SLC18A2: variants seen among roughly 807,000 people sequenced by gnomAD.
The protein encoded by SLC18A2 is synaptic vesicular amine transporter.
In SLC18A2, 33 loss-of-function variants were observed where a neutral mutation model predicts 59.2. The observed-to-expected ratio is 0.56, with a 90% confidence interval of 0.42 to 0.75. The LOEUF (loss-of-function observed/expected upper bound fraction) is 0.75. Ranked by LOEUF, SLC18A2 falls within the 30% of genes least tolerant of loss-of-function variation. The pLI is 0.00. For missense variants in SLC18A2, 569 were observed against 668.6 expected, an observed-to-expected ratio of 0.85 and a Z score of 1.64; for synonymous variants, 228 against 253.5, an observed-to-expected ratio of 0.90 and a Z score of 0.95.
chr10:117,254,915 C>G (rs578105602), intron 6 of SLC18A2, among the ~76,000 whole-genome samples: 1 of 152,222 alleles, frequency 6.6e-6, no homozygotes, highest in Admixed American at 6.5e-5. Context: ...CTTCCTCTTC[C>G]GATTTCCCGC....
Position 117,255,465 on chromosome 10 carries a change from T to C in SLC18A2, c.791-14T>C. ...TCTGAAGAGGGGCTTGTCTTTTTTA[T>C]TTTTATTTTTTAGCTATTCAGCTCT... On this transcript the variant is annotated splice_polypyrimidine_tract_variant and intron_variant, in intron 7 of 15. Coordinates refer to ENST00000644641, the MANE Select transcript of SLC18A2 (RefSeq NM_003054.6). The C allele has an allele frequency of 3.7e-6, 6 of 1,614,036 alleles. No individual in the cohort carries two copies. The highest frequency in any genetic ancestry group is 5.1e-6 in the Non-Finnish European group (6 of 1,179,984).
chr10:117,251,576 G>T (rs894487203), intron 3 of SLC18A2, among the ~76,000 whole-genome samples: 1 of 152,172 alleles, frequency 6.6e-6, no homozygotes, highest in African/African-American at 2.4e-5. Context: ...TGTGGGAGGG[G>T]ACTGACTGTC....
At position 117,244,194 on chromosome 10, in the gene SLC18A2, C is replaced by T. The variant is rs200945841; in HGVS notation, c.345C>T (p.Ser115=). ...TGACCAACGCGTCCGCTGTTCCTTC[C>T]GACTGTCCCAGTGAAGACAAAGACC... ...HMVTNASAVP[S]DCPSEDKDLL... is the part of the protein sequence containing the mutation. Residue 115 remains serine (S), a synonymous_variant, in exon 3 of 16, where the codon TCC becomes TCT. Transcript: ENST00000644641. 5.9e-5 allele frequency: 96 copies of T among 1,614,216 alleles called. No individual in the cohort carries two copies. Among genetic ancestry groups the T allele is most frequent in the Admixed American group, 2.0e-4 (12 of 60,026 alleles).
chr10:117,261,633 G>A (rs1188815128), intron 10 of SLC18A2, among the ~76,000 whole-genome samples: 1 of 152,182 alleles, frequency 6.6e-6, no homozygotes, highest in African/African-American at 2.4e-5. Flanking sequence ...CTGCCCCCTG[G>A]CTTAGACTTT....
intron 3 of SLC18A2, among the ~76,000 whole-genome samples, chr10:117,248,663 A>T (rs905176771): frequency 1.3e-5 from 2 of 152,252 alleles, no homozygotes; most frequent in African/African-American, 4.8e-5. Context: ...TTAGATATAT[A>T]TGTCCATAAG....
chr10:117,245,920 A>G (rs1213512793), intron 3 of SLC18A2, among the ~76,000 whole-genome samples: 1 of 152,202 alleles, frequency 6.6e-6, no homozygotes, highest in Non-Finnish European at 1.5e-5. Context: ...CCAGCCCTCT[A>G]GTCTGTGCAG....
intron 11 of SLC18A2, 27 bp from the exon 12 acceptor site, chr10:117,266,957 T>G: frequency 6.2e-7 from 1 of 1,609,874 alleles, no homozygotes; most frequent in South Asian, 1.1e-5. Flanking sequence ...AATGATCATT[T>G]CTTGATGGTG....
chr10:117,268,147 C>T (rs553787520), intron 13 of SLC18A2: 5 of 161,526 alleles, frequency 3.1e-5, no homozygotes, highest in South Asian at 3.9e-4. Context: ...TGTTGATGAC[C>T]GCCTGTGCTG....
At chr10:117,274,527 G>T (rs1430961267) in intron 15 of SLC18A2, among the ~76,000 whole-genome samples, 1 of 152,144 alleles carries the variant, frequency 6.6e-6, no homozygotes, top group Non-Finnish European at 1.5e-5. Flanking sequence ...AAGGTGACCT[G>T]CCTGCCTGGG....
chr10:117,273,821 T>C (rs1477283309), intron 15 of SLC18A2, among the ~76,000 whole-genome samples: 2 of 152,246 alleles, frequency 1.3e-5, no homozygotes, highest in Non-Finnish European at 2.9e-5. Flanking sequence ...GTATTACTTA[T>C]ACTTTTCATT....
chr10:117,243,898 GT>G (rs1844080539), intron 2 of SLC18A2, 72 bp from the exon 3 acceptor site: 3 of 1,298,352 alleles, frequency 2.3e-6, no homozygotes, highest in Admixed American at 2.3e-5. Context: ...CACAACCATA[GT>G]TTTTTGCTGG....
intron 10 of SLC18A2, among the ~76,000 whole-genome samples, chr10:117,266,180 C>G (rs1040997600): frequency 6.6e-6 from 1 of 150,902 alleles, no homozygotes; most frequent in Non-Finnish European, 1.5e-5. Context: ...GTTCATAAAG[C>G]TAACTGAAAC....
At chr10:117,257,988 T>A (rs1844249526) in intron 10 of SLC18A2, 96 bp downstream of exon 10, 1 of 735,210 alleles carries the variant, frequency 1.4e-6, no homozygotes, top group Admixed American at 2.9e-5. Flanking sequence ...CTTATGGGGA[T>A]GATAAAGTGA....
chr10:117,267,435 G>GATTTTTC, intron 12 of SLC18A2: 1 of 458,198 alleles, frequency 2.2e-6, no homozygotes, highest in South Asian at 4.3e-5. Context: ...GGACTAGGCT[G>GATTTTTC]ATCTTTCACA....
intron 13 of SLC18A2, among the ~76,000 whole-genome samples, chr10:117,268,843 T>TGC (rs1426782690): frequency 1.3e-5 from 2 of 151,674 alleles, no homozygotes; most frequent in African/African-American, 4.8e-5. Context: ...TGTGTGTGTG[T>TGC]ATGCATGTGT....
chr10:117,255,252 GT>G, intron 6 of SLC18A2, 24 bp from the exon 7 acceptor site: 1 of 1,601,056 alleles, frequency 6.2e-7, no homozygotes, highest in Non-Finnish European at 8.6e-7. Flanking sequence ...CCCAGGGGTG[GT>G]GTCCCCACTT....
intron 10 of SLC18A2, among the ~76,000 whole-genome samples, chr10:117,265,762 G>A (rs1844340147): frequency 6.6e-6 from 1 of 152,106 alleles, no homozygotes; most frequent in Non-Finnish European, 1.5e-5. Context: ...AGAACCTGGG[G>A]GATGCAGGTG....
At chr10:117,259,346 G>A (rs2283139) in intron 10 of SLC18A2, among the ~76,000 whole-genome samples, 6,366 of 152,270 alleles carry the variant, frequency 0.042, 266 homozygotes, top group African/African-American at 0.093. Context: ...TGGCAAACCT[G>A]ATCTTTCTGT....
rs1170254143 is a variant in SLC18A2 at position 117,279,375 on chromosome 10, CTAAGTG to C, written c.*2112_*2117del. ...CAATGAATATTCAACTGTTTGACTG[CTAAGTG>C]TATCTGTCCATATTTTAGCAAGTTT... is the stretch of plus-strand genomic sequence containing the variant. On this transcript the variant is annotated 3_prime_UTR_variant, in exon 16 of 16. Coordinates refer to ENST00000644641, the MANE Select transcript of SLC18A2 (RefSeq NM_003054.6). The C allele has an allele frequency of 1.3e-5, 2 of 152,094 alleles. No homozygotes were observed. Among genetic ancestry groups the C allele is most frequent in the Admixed American group, 1.3e-4 (2 of 15,264 alleles). 9.4% of individuals were successfully genotyped at this position (152,094 alleles called of 1,614,324 possible). A position where few individuals can be genotyped will look rare whatever the true frequency, so the allele number is the denominator to read the frequency against.
Sources: allele counts gnomAD v4.1 joint callset (sites outside exome capture counted in the v4.1 genomes callset), GRCh38; gene constraint gnomAD v4.1.1; transcripts MANE v1.5; gene names NCBI Gene and HGNC (gene_info 2026-07-23, HGNC 2026-07-21).